PAH: variants seen among roughly 807,000 people sequenced by gnomAD.
PAH encodes the protein phenylalanine-4-hydroxylase.
A neutral mutation model predicts 62.0 loss-of-function variants in PAH; 64 were observed. That is an observed-to-expected ratio of 1.03 (90% CI 0.84 to 1.27). PAH has a LOEUF of 1.27. PAH is among the 50% of genes most tolerant of loss of function. PAH has a pLI of 0.00. For missense variants in PAH, 579 were observed against 542.8 expected (o/e 1.07, Z -0.66); for synonymous variants, 195 against 196.2 (o/e 0.99, Z 0.05).
intron 6 of PAH, chr12:102,854,873 G>A: frequency 3.7e-6 from 2 of 533,984 alleles, no homozygotes; most frequent in African/African-American, 1.9e-5. Context: ...AAGTGTGAAA[G>A]AAAATACTTT....
chr12:102,855,153 A>G lies in PAH; in HGVS notation c.689T>C (p.Val230Ala), dbSNP rs199475673. ...GGACTTACTCTGCAGGAACTGAGAA[A>G]CGTCTTCCAGCTGGGGAATGTTATC... The part of the protein sequence containing the change: ...HEDNIPQLED[V>A]SQFLQTCTGF... The change falls in exon 6 of 13, where the codon GTT becomes GCT. Residue 230 changes from valine to alanine, a missense_variant. By Grantham distance (64) the Val-to-Ala change is moderately conservative (BLOSUM62 0). Transcript: ENST00000553106. 1 of 1,614,042 alleles carries G rather than the reference A, an allele frequency of 6.2e-7. No homozygotes were observed.
upstream of PAH, among the ~76,000 whole-genome samples, chr12:102,919,346 G>A (rs1486410224): frequency 6.6e-6 from 1 of 152,128 alleles, no homozygotes; most frequent in Non-Finnish European, 1.5e-5. Context: ...CATTCATGGA[G>A]TATGTGCAAT....
intron 4 of PAH, among the ~76,000 whole-genome samples, chr12:102,876,555 C>T (rs906665224): frequency 6.6e-6 from 1 of 152,244 alleles, no homozygotes; most frequent in Non-Finnish European, 1.5e-5. Context: ...AGTGTAAATG[C>T]TTCCTCTGCG....
At chr12:102,843,829 A>G (rs1178721839) in intron 10 of PAH, 50 bp from the exon 11 acceptor site, 1 of 1,594,282 alleles carries the variant, frequency 6.3e-7, no homozygotes, top group African/African-American at 1.3e-5. Flanking sequence ...CAGGATCAGT[A>G]TTCCCTGCTG....
At chr12:102,916,186 C>A (rs1202844044) in intron 1 of PAH, among the ~76,000 whole-genome samples, 2 of 151,966 alleles carry the variant, frequency 1.3e-5, no homozygotes, top group Non-Finnish European at 2.9e-5. Flanking sequence ...GTCCTAAGTT[C>A]TGCAGTCTTT....
chr12:102,883,710 CA>C (rs1876915651), intron 3 of PAH, among the ~76,000 whole-genome samples: 1 of 152,142 alleles, frequency 6.6e-6, no homozygotes, highest in Admixed American at 6.5e-5. Context: ...CACCTGAGTC[CA>C]GGGGCCTTTG....
At chr12:102,929,281 A>G (rs957989361) in intron 1 of PAH, among the ~76,000 whole-genome samples, 1 of 152,206 alleles carries the variant, frequency 6.6e-6, no homozygotes, top group Non-Finnish European at 1.5e-5. Context: ...ATAAATTCAA[A>G]TTTGTAATCT....
chr12:102,917,141 C>T lies in PAH; in HGVS notation c.-11G>A, dbSNP rs1389568484. ...GACCGCAGTGGACATGCTGGCTCCC[C>T]GGGAGTGAGGTCTCTGGCTTTTTAG... On this transcript the variant is annotated 5_prime_UTR_variant, in exon 1 of 13. Coordinates refer to ENST00000553106, the MANE Select transcript of PAH (RefSeq NM_000277.3). 4 of 1,614,024 alleles carry T rather than the reference C, an allele frequency of 2.5e-6. No homozygotes were observed. The highest frequency in any genetic ancestry group is 2.2e-5 in the East Asian group (1 of 44,872).
At chr12:102,921,558 G>C (rs1376081475), upstream of PAH, among the ~76,000 whole-genome samples, 4 of 152,106 alleles carry the variant, frequency 2.6e-5, no homozygotes, top group African/African-American at 9.7e-5. Context: ...AAAAATTTTT[G>C]TGGTTTGTAC....
At chr12:102,905,825 T>TA (rs749063955) in intron 2 of PAH, among the ~76,000 whole-genome samples, 279 of 134,856 alleles carry the variant, frequency 2.1e-3, no homozygotes, top group South Asian at 5.9e-3. Context: ...CAGTGGAATT[T>TA]AAAAAAAAAA....
chr12:102,933,957 T>C (rs182273092), intron 1 of PAH, among the ~76,000 whole-genome samples: 16 of 152,246 alleles, frequency 1.1e-4, no homozygotes, highest in African/African-American at 3.8e-4. Context: ...TGTGATCCCG[T>C]TTGTTCATTT....
At chr12:102,844,570 G>C in intron 9 of PAH, 139 bp from the exon 10 acceptor site, 1 of 709,224 alleles carries the variant, frequency 1.4e-6, no homozygotes, top group Admixed American at 2.0e-5. Context: ...TGTTTCTGGA[G>C]GGGATTGGCA....
intron 6 of PAH, 124 bp downstream of exon 6, chr12:102,855,012 G>A: frequency 1.3e-6 from 1 of 799,516 alleles, no homozygotes; most frequent in Non-Finnish European, 2.2e-6. Context: ...GAATCAACCT[G>A]CATGCATTCC....
upstream of PAH, among the ~76,000 whole-genome samples, chr12:102,919,172 G>A (rs534490472): frequency 3.9e-5 from 6 of 152,232 alleles, no homozygotes; most frequent in African/African-American, 1.4e-4. Context: ...CAACACCAAG[G>A]CACTGCACTG....
At chr12:102,875,932 T>TAA (rs1876542978) in intron 4 of PAH, among the ~76,000 whole-genome samples, 1 of 62,054 alleles carries the variant, frequency 1.6e-5, no homozygotes, top group African/African-American at 5.6e-5. Context: ...ACACCATATA[T>TAA]ATATATACAT....
At chr12:102,873,042 T>C (rs1336344702) in intron 4 of PAH, among the ~76,000 whole-genome samples, 3 of 152,174 alleles carry the variant, frequency 2.0e-5, no homozygotes, top group Non-Finnish European at 4.4e-5. Context: ...TGTTGGCTGA[T>C]ATTTTCTTCA....
At chr12:102,923,190 A>G (rs1035244746) in intron 1 of PAH, among the ~76,000 whole-genome samples, 4 of 152,198 alleles carry the variant, frequency 2.6e-5, no homozygotes, top group African/African-American at 9.6e-5. Context: ...AACAAGCAGG[A>G]TATGTTTACA....
rs1318440704 is a variant in PAH at position 102,868,088 on chromosome 12, G to GTA, written c.442-1427_442-1426dup. On this transcript the variant is annotated intron_variant, in intron 4 of 12. Transcript: ENST00000553106. ...CATATATATACATATATGTGTGTGT[G>GTA]TATATATATATATATACACATATAT... is the stretch of plus-strand genomic sequence containing the variant. 1.5e-4 allele frequency among the ~76,000 whole-genome samples: 7 copies of GTA among 45,246 alleles called. 1 individual carries two copies. Among genetic ancestry groups the GTA allele is most frequent in the Non-Finnish European group, 2.7e-4 (6 of 22,202 alleles). 29.7% of individuals were successfully genotyped at this position (45,246 alleles called of 152,430 possible).
chr12:102,864,470 G>A (rs532460114), intron 5 of PAH, among the ~76,000 whole-genome samples: 1 of 152,152 alleles, frequency 6.6e-6, no homozygotes, highest in African/African-American at 2.4e-5. Flanking sequence ...CCTGGGAAAA[G>A]CAGGAGAATC....
Sources: allele counts gnomAD v4.1 joint callset (sites outside exome capture counted in the v4.1 genomes callset), GRCh38; gene constraint gnomAD v4.1.1; transcripts MANE v1.5; gene names NCBI Gene and HGNC (gene_info 2026-07-23, HGNC 2026-07-21).